Variants in PBRM1 observed in about 807,000 individuals in gnomAD.
PBRM1 encodes polybromo 1.
PBRM1 carries 27 observed loss-of-function variants against 194.5 expected under a neutral mutation model. That is an observed-to-expected ratio of 0.14 (90% CI 0.10 to 0.19). The LOEUF (loss-of-function observed/expected upper bound fraction) is 0.19. PBRM1 is among the 10% of genes least tolerant of loss of function. The pLI is 1.00. For missense variants in PBRM1, 1,466 were observed against 2,077.2 expected (o/e 0.71, Z 5.72); for synonymous variants, 655 against 693.2 (o/e 0.94, Z 0.87).
chr3:52,635,949 C>T (rs558584456), intron 10 of PBRM1, among the ~76,000 whole-genome samples: 4 of 152,254 alleles, frequency 2.6e-5, no homozygotes, highest in East Asian at 3.9e-4. Flanking sequence ...CTGCAACCTC[C>T]GCCTCCTGAG....
chr3:52,674,638 A>AT (rs1561075105), intron 2 of PBRM1, among the ~76,000 whole-genome samples: 26 of 131,200 alleles, frequency 2.0e-4, no homozygotes, highest in African/African-American at 4.6e-4. Flanking sequence ...AAAAAAAAAA[A>AT]AAAAAATATA....
chr3:52,591,170 G>A (rs1417193921), intron 17 of PBRM1, among the ~76,000 whole-genome samples: 2 of 152,152 alleles, frequency 1.3e-5, no homozygotes, highest in Admixed American at 6.5e-5. Flanking sequence ...GAGACTATGG[G>A]TTTATTAGAT....
chr3:52,658,863 A>G (rs1395137679), intron 4 of PBRM1, among the ~76,000 whole-genome samples: 1 of 152,214 alleles, frequency 6.6e-6, no homozygotes, highest in Non-Finnish European at 1.5e-5. Flanking sequence ...CCTTCTACTG[A>G]ACCTTTTTCT....
upstream of PBRM1, among the ~76,000 whole-genome samples, chr3:52,683,858 A>AAC (rs2097259975): frequency 6.6e-6 from 1 of 152,020 alleles, no homozygotes. Context: ...CTTCAAAAAA[A>AAC]AAAGTTTATT....
At chr3:52,576,993 G>A (rs553192601) in intron 21 of PBRM1, among the ~76,000 whole-genome samples, 4 of 152,302 alleles carry the variant, frequency 2.6e-5, no homozygotes, top group African/African-American at 9.6e-5. Flanking sequence ...TTCCTGAGAC[G>A]TTCATGATGA....
At position 52,589,263 on chromosome 3, in the gene PBRM1, A is replaced by G; in HGVS notation, c.2780-8T>C. 6.6e-7 allele frequency: 1 copy of G among 1,509,726 alleles called. No homozygotes were observed. The allele number at this position is 1,509,726 out of a possible 1,614,324, so 93.5% of individuals were successfully genotyped here. ...CTTCACTCTTTTCAGCTTCTTAGGT[A>G]AAAAAATAAATAAATAAAGGAAAAA... On this transcript the variant is annotated splice_region_variant and splice_polypyrimidine_tract_variant and intron_variant, in intron 17 of 29. Coordinates refer to ENST00000296302, the Ensembl canonical transcript of PBRM1.
intron 6 of PBRM1, among the ~76,000 whole-genome samples, chr3:52,651,371 A>C (rs1266285547): frequency 6.6e-6 from 1 of 152,194 alleles, no homozygotes; most frequent in African/African-American, 2.4e-5. Flanking sequence ...AATAAACAAC[A>C]GGTTACCCCA....
Position 52,627,372 on chromosome 3 carries a change from TA to T in PBRM1, c.1444-3del. 6.3e-7 allele frequency: 1 copy of T among 1,596,910 alleles called. No individual in the cohort carries two copies. Among genetic ancestry groups the T allele is most frequent in the Non-Finnish European group, 8.6e-7 (1 of 1,164,524 alleles). ...CCTGGCAAGCTCTTTCTTCTTTGCC[TA>T]AAACAGAGCAGATCTCAGGAGTTGA... On this transcript the variant is annotated splice_polypyrimidine_tract_variant and splice_region_variant and intron_variant, in intron 12 of 29. Transcript: ENST00000296302.
rs537723913 is a variant in PBRM1 at position 52,583,765 on chromosome 3, GA to G, written c.3387+2659del. On this transcript the variant is annotated intron_variant, in intron 20 of 29. Coordinates refer to ENST00000296302, the Ensembl canonical transcript of PBRM1. ...CCTCGTCTATTCCAAGTTTATTATTGAAAAAAAATTATAGGTAAATTACTGT... is the reference window on the plus strand; with the variant it reads ...CCTCGTCTATTCCAAGTTTATTATTGAAAAAAATTATAGGTAAATTACTGT... Among the ~76,000 whole-genome samples, 18 of 151,540 alleles carry G rather than the reference GA, an allele frequency of 1.2e-4. No individual in the cohort carries two copies. In the East Asian group the frequency reaches 3.1e-3, roughly 26 times the overall value.
intron 10 of PBRM1, among the ~76,000 whole-genome samples, chr3:52,636,801 C>G (rs949959032): frequency 8.4e-6 from 1 of 118,980 alleles, no homozygotes; most frequent in Non-Finnish European, 1.8e-5. Context: ...TTAATTAGGC[C>G]AGGCGCAGTG....
intron 5 of PBRM1, among the ~76,000 whole-genome samples, chr3:52,654,715 A>G (rs2096574282): frequency 6.6e-6 from 1 of 152,162 alleles, no homozygotes; most frequent in Non-Finnish European, 1.5e-5. Flanking sequence ...CTGCAGGGTA[A>G]GAATAAATCT....
intron 11 of PBRM1, 121 bp downstream of exon 12, chr3:52,634,481 G>GT (rs1476614302): frequency 3.1e-6 from 2 of 644,496 alleles, no homozygotes; most frequent in Non-Finnish European, 5.3e-6. Flanking sequence ...AAAATTTGAG[G>GT]TTAAAAAAAA....
At chr3:52,558,704 C>A (rs760900375) in intron 25 of PBRM1, among the ~76,000 whole-genome samples, 5 of 152,208 alleles carry the variant, frequency 3.3e-5, no homozygotes, top group Non-Finnish European at 5.9e-5. Flanking sequence ...ACCAGCATAA[C>A]CACCATGGTT....
At chr3:52,548,772 C>A (rs1386358061) in intron 29 of PBRM1, among the ~76,000 whole-genome samples, 1 of 151,972 alleles carries the variant, frequency 6.6e-6, no homozygotes, top group Non-Finnish European at 1.5e-5. Context: ...ATAATTACTT[C>A]AATGTTAACA....
At chr3:52,586,395 A>T in intron 20 of PBRM1, 30 bp downstream of exon 22, 7 of 1,568,800 alleles carry the variant, frequency 4.5e-6, no homozygotes, top group Non-Finnish European at 5.2e-6. Context: ...GAGATGTAAA[A>T]TTTTTTCTGT....
At chr3:52,547,309 C>CT, downstream of PBRM1, 1 of 233,120 alleles carries the variant, frequency 4.3e-6, no homozygotes, top group Non-Finnish European at 8.5e-6. Context: ...ACACCATAGT[C>CT]TAACTCACAG....
chr3:52,553,574 A>AGTCTCCCCAGGCTCAG (rs1193809946), intron 27 of PBRM1, among the ~76,000 whole-genome samples: 1 of 144,262 alleles, frequency 6.9e-6, no homozygotes, highest in African/African-American at 2.6e-5. Flanking sequence ...CTGCAGCCTC[A>AGTCTCCCCAGGCTCAG]GTCTCCCCAG....
intron 5 of PBRM1, among the ~76,000 whole-genome samples, chr3:52,653,734 A>T (rs1337092762): frequency 6.6e-6 from 1 of 151,772 alleles, no homozygotes; most frequent in Non-Finnish European, 1.5e-5. Context: ...ATATGGTGAA[A>T]CCCCGTCTCT....
At chr3:52,662,623 C>A (rs568124904) in intron 3 of PBRM1, among the ~76,000 whole-genome samples, 1 of 152,030 alleles carries the variant, frequency 6.6e-6, no homozygotes, top group African/African-American at 2.4e-5. Flanking sequence ...GTCAAGAGAT[C>A]GAGACCATCC....
Sources: gnomAD v4.1 joint callset for allele counts (sites outside exome capture counted in the v4.1 genomes callset) on GRCh38, gnomAD v4.1.1 for gene constraint, MANE v1.5 for transcripts, NCBI Gene and HGNC (gene_info 2026-07-23, HGNC 2026-07-21) for gene names.